Variants in ATAD2B observed in about 807,000 individuals in gnomAD.
ATAD2B encodes the protein ATPase family AAA domain-containing protein 2B.
ATAD2B carries 40 observed loss-of-function variants against 167.6 expected under a neutral mutation model. The ratio of observed to expected loss-of-function variants is 0.24; its 90% CI spans 0.19 to 0.31. The LOEUF (loss-of-function observed/expected upper bound fraction) is 0.31. Among genes scored for constraint, ATAD2B ranks in the 10% least tolerant of loss-of-function variants. The pLI, the probability that ATAD2B is intolerant of heterozygous loss-of-function variation, is 1.00. For synonymous variants in ATAD2B, 579 were observed against 596.5 expected (o/e 0.97, Z 0.43); for missense variants, 1,242 against 1,757.2 (o/e 0.71, Z 5.24).
rs747328408 is a variant in ATAD2B at position 23,867,946 on chromosome 2, T to C, written c.1077A>G (p.Arg359=). 5 of 1,594,234 alleles carry C rather than the reference T, an allele frequency of 3.1e-6. No homozygotes were observed. Among genetic ancestry groups the C allele is most frequent in the Non-Finnish European group, 4.3e-6 (5 of 1,171,396 alleles). ...KSKSMARARN[R]CLPMNFRAED... ...CTGCTCTGAAGTTCATAGGCAAACA[T>C]CTGAAATTTATAAAAGTGCAAGTAA... The change falls in exon 10 of 28, where the codon AGA becomes AGG. Residue 359 remains arginine, a splice_region_variant and synonymous_variant. Coordinates refer to ENST00000238789, the MANE Select transcript of ATAD2B (RefSeq NM_017552.4).
intron 17 of ATAD2B, among the ~76,000 whole-genome samples, chr2:23,815,474 C>A (rs538794549): frequency 6.6e-6 from 1 of 152,234 alleles, no homozygotes; most frequent in East Asian, 1.9e-4. Context: ...ATGATACAGT[C>A]CAGCTATGTA....
the ATAD2B span, among the ~76,000 whole-genome samples, chr2:23,743,271 C>G: frequency 6.6e-6 from 1 of 152,040 alleles, no homozygotes; most frequent in Admixed American, 6.5e-5. Context: ...TTTGGTGATA[C>G]TAACAAGAGT....
chr2:23,786,295 A>G (rs1680800681), intron 20 of ATAD2B, 72 bp from the exon 21 acceptor site: 2 of 1,184,898 alleles, frequency 1.7e-6, no homozygotes, highest in Admixed American at 5.4e-5. Context: ...ATTCTCTCAA[A>G]ATGTTCTTTA....
intron 8 of ATAD2B, among the ~76,000 whole-genome samples, 173 bp downstream of exon 8, chr2:23,875,656 T>G (rs548856603): frequency 1.3e-5 from 2 of 152,358 alleles, no homozygotes; most frequent in African/African-American, 4.8e-5. Context: ...CAAAGAGCTG[T>G]GTAGCTTTAG....
At chr2:23,726,111 A>G in the ATAD2B span, among the ~76,000 whole-genome samples, 2 of 152,224 alleles carry the variant, frequency 1.3e-5, no homozygotes, top group African/African-American at 4.8e-5. Flanking sequence ...ACTCATGCAC[A>G]TTCATTTTAT....
chr2:23,824,752 T>C (rs1340016475), intron 15 of ATAD2B, among the ~76,000 whole-genome samples: 2 of 152,276 alleles, frequency 1.3e-5, no homozygotes, highest in Admixed American at 6.5e-5. Flanking sequence ...AACAAATACA[T>C]ACAAAAACAC....
chr2:23,919,807 T>G (rs1429287987), intron 1 of ATAD2B, among the ~76,000 whole-genome samples: 1 of 147,704 alleles, frequency 6.8e-6, no homozygotes, highest in Non-Finnish European at 1.5e-5. Context: ...GTCGCACCAT[T>G]GTACTCCAGC....
chr2:23,923,937 C>T (rs947156102), intron 1 of ATAD2B, among the ~76,000 whole-genome samples: 17 of 152,186 alleles, frequency 1.1e-4, no homozygotes, highest in Middle Eastern at 6.3e-3. Flanking sequence ...AATCCCAGCA[C>T]TTTGGGAGGC....
In ATAD2B at chr2:23,768,572, CA is replaced by C. The variant is rs756238773; in HGVS notation, c.3134-2945del. 4.1e-3 allele frequency among the ~76,000 whole-genome samples: 556 copies of C among 135,364 alleles called. 1 individual carries two copies. Among genetic ancestry groups the C allele is most frequent in the African/African-American group, 7.4e-3 (270 of 36,686 alleles). 88.8% of individuals were successfully genotyped at this position (135,364 alleles called of 152,430 possible). ...GAGCAACAAAGCAAGATCCTGTCTC[CA>C]AAAAAAAAAAAAGACAATGAGCATA... On this transcript the variant is annotated intron_variant, in intron 22 of 27. Transcript: ENST00000238789.
chr2:23,710,478 T>C, the ATAD2B span, among the ~76,000 whole-genome samples: 1 of 152,212 alleles, frequency 6.6e-6, no homozygotes, highest in Non-Finnish European at 1.5e-5. Flanking sequence ...TGAAGGGTTC[T>C]GTCAACCAAA....
Position 23,765,509 on chromosome 2 carries a change from T to C in ATAD2B, c.3253A>G (p.Arg1085Gly). The C allele has an allele frequency of 5.0e-6, 8 of 1,598,436 alleles. No individual in the cohort carries two copies. Among genetic ancestry groups the C allele is most frequent in the Non-Finnish European group, 6.8e-6 (8 of 1,170,612 alleles). ...CEEIKEARIK[R>G]GLSVTSEQIN... ...CAAGTTTATTTCTACAACTTACCTC[T>C]TTTTATTCTTGCTTCCTTAATTTCC... Residue 1085 changes from arginine to glycine, a missense_variant, in exon 23 of 28, where the codon AGA (arginine) becomes GGA (glycine). Coordinates refer to ENST00000238789, the MANE Select transcript of ATAD2B (RefSeq NM_017552.4).
At chr2:23,718,087 C>G in the ATAD2B span, among the ~76,000 whole-genome samples, 3 of 152,126 alleles carry the variant, frequency 2.0e-5, no homozygotes, top group Non-Finnish European at 2.9e-5. Flanking sequence ...TTGATTACAG[C>G]TAAAAATCTT....
At chr2:23,869,952 G>A (rs1695675710) in intron 8 of ATAD2B, among the ~76,000 whole-genome samples, 191 bp from the exon 9 acceptor site, 2 of 152,210 alleles carry the variant, frequency 1.3e-5, no homozygotes, top group South Asian at 4.1e-4. Context: ...AAAAAGGCCT[G>A]TAATCCCAGC....
chr2:23,924,045 T>A (rs976833920), intron 1 of ATAD2B, among the ~76,000 whole-genome samples: 1 of 151,804 alleles, frequency 6.6e-6, no homozygotes, highest in African/African-American at 2.4e-5. Flanking sequence ...TAGCCGGGCG[T>A]GGTGGCGGGC....
chr2:23,731,128 A>C, the ATAD2B span, among the ~76,000 whole-genome samples: 1 of 152,228 alleles, frequency 6.6e-6, no homozygotes, highest in Non-Finnish European at 1.5e-5. Flanking sequence ...ATGCATTGTA[A>C]TACATCAAAT....
chr2:23,899,287 G>C (rs1700503615), intron 1 of ATAD2B, among the ~76,000 whole-genome samples: 1 of 130,700 alleles, frequency 7.7e-6, no homozygotes, highest in Non-Finnish European at 1.6e-5. Flanking sequence ...CTGGGCGAAA[G>C]AGCAAGACCC....
At chr2:23,684,426 G>A in the ATAD2B span, 3 of 1,547,372 alleles carry the variant, frequency 1.9e-6, no homozygotes, top group Non-Finnish European at 2.6e-6. The surrounding 1 kb of genome is among the most constrained non-coding windows in gnomAD (Gnocchi z 4.4). Flanking sequence ...AACCAGCAAC[G>A]CAGAGCGAAA....
chr2:23,751,694 C>A lies in ATAD2B; in HGVS notation c.*352G>T. 1 of 256,322 alleles carries A rather than the reference C, an allele frequency of 3.9e-6. No individual in the cohort carries two copies. Among genetic ancestry groups the A allele is most frequent in the Non-Finnish European group, 7.3e-6 (1 of 136,070 alleles). The allele number at this position is 256,322 out of a possible 1,614,324, so 15.9% of individuals were successfully genotyped here. A position where few individuals can be genotyped will look rare whatever the true frequency, so the allele number is the denominator to read the frequency against. ...AGTTAGAACTGCCCCCATCCAGTTT[C>A]CTCCTGTTTGCTGGTCTGCTCCCTA... On this transcript the variant is annotated 3_prime_UTR_variant, in exon 28 of 28. Coordinates refer to ENST00000238789, the MANE Select transcript of ATAD2B (RefSeq NM_017552.4).
chr2:23,870,487 T>C (rs1480029296), intron 8 of ATAD2B, among the ~76,000 whole-genome samples: 3 of 151,794 alleles, frequency 2.0e-5, no homozygotes, highest in African/African-American at 7.3e-5. Flanking sequence ...AGTTTCACCA[T>C]GTTTCCCAAG....
Sources: allele counts gnomAD v4.1 joint callset (sites outside exome capture counted in the v4.1 genomes callset), GRCh38; gene constraint gnomAD v4.1.1; non-coding constraint Gnocchi (gnomAD v3.1); transcripts MANE v1.5; gene names NCBI Gene and HGNC (gene_info 2026-07-23, HGNC 2026-07-21).